The following OR4E2 variants were observed in gnomAD, a reference collection of about 807,000 sequenced individuals.
OR4E2 encodes the protein olfactory receptor 4E2.
OR4E2 carries 9 observed loss-of-function variants against 11.0 expected under a neutral mutation model. The ratio of observed to expected loss-of-function variants is 0.82; its 90% confidence interval spans 0.49 to 1.43. OR4E2 has a LOEUF of 1.43. OR4E2 is among the 40% of genes most tolerant of loss of function. The probability of loss-of-function intolerance (pLI) is 0.00; values close to 1 mark genes in which losing one functional copy is unlikely to be tolerated. For synonymous variants in OR4E2, 159 were observed against 147.3 expected (o/e 1.08, Z -0.57); for missense variants, 441 against 382.0 (o/e 1.15, Z -1.29).
intron 1 of OR4E2, among the ~76,000 whole-genome samples, 165 bp downstream of exon 1, chr14:21,654,104 G>A (rs917216459): frequency 6.6e-6 from 1 of 152,134 alleles, no homozygotes. Context: ...TTGATTTTAT[G>A]ATGCTGAGTT....
rs183420614 is a variant in OR4E2, at chr14:21,659,682, C to T, written c.-102-971C>T. 1.8e-4 allele frequency among the ~76,000 whole-genome samples: 28 copies of T among 152,132 alleles called. No homozygotes were observed. In the East Asian group the frequency reaches 2.3e-3, roughly 13 times the overall value. ...CTCATTTCTAGTAATCTATTCCTAA[C>T]GGAATAATATATTAGAGAAGTTATA... On this transcript the variant is annotated intron_variant, in intron 2 of 3. Transcript: ENST00000641524.
At chr14:21,654,003 A>G (rs1879790192) in intron 1 of OR4E2, 64 bp downstream of exon 1, 1 of 152,228 alleles carries the variant, frequency 6.6e-6, no homozygotes, top group African/African-American at 2.4e-5. Context: ...GTTTTTATGT[A>G]TAAACAAATG....
rs756065622 is a variant in OR4E2, at chr14:21,665,182, A to T, written c.100A>T (p.Ile34Phe). Residue 34 changes from isoleucine (I) to phenylalanine (F), a missense_variant, in exon 4 of 4, where the codon ATT becomes TTT. Transcript: ENST00000641524. The stretch of plus-strand genomic sequence containing the variant: ...GCTGTTTTTCATGGCATTCTCAGCC[A>T]TTTATATGCTAACGCTTTCGGGGAA... ...EMLFFMAFSA[I>F]YMLTLSGNIL... is the part of the protein sequence containing the mutation. 1 of 1,613,906 alleles carries T rather than the reference A, an allele frequency of 6.2e-7. No individual in the cohort carries two copies. The highest frequency in any genetic ancestry group is 8.5e-7 in the Non-Finnish European group (1 of 1,179,862).
intron 2 of OR4E2, 28 bp downstream of exon 2, chr14:21,656,617 T>C (rs937588699): frequency 2.0e-5 from 3 of 152,206 alleles, no homozygotes; most frequent in African/African-American, 7.2e-5. Context: ...CTGCGCTGCT[T>C]GTCATGCTTT....
intron 2 of OR4E2, among the ~76,000 whole-genome samples, chr14:21,660,242 G>A (rs1230537524): frequency 6.6e-6 from 1 of 152,210 alleles, no homozygotes; most frequent in African/African-American, 2.4e-5. Flanking sequence ...TTGCGATTGA[G>A]GATTTAATGC....
At chr14:21,658,563 G>A (rs61974111) in intron 2 of OR4E2, among the ~76,000 whole-genome samples, 1 of 151,972 alleles carries the variant, frequency 6.6e-6, no homozygotes, top group Admixed American at 6.5e-5. Context: ...GAGACAAGAG[G>A]CAGAGAAAGA....
intron 1 of OR4E2, among the ~76,000 whole-genome samples, chr14:21,654,316 TAGTC>T (rs1225240547): frequency 5.9e-5 from 9 of 151,876 alleles, no homozygotes; most frequent in African/African-American, 9.7e-5. Context: ...GTAATTATAT[TAGTC>T]AGAGTTCTCC....
At chr14:21,662,171 G>A (rs963410398) in intron 3 of OR4E2, among the ~76,000 whole-genome samples, 1 of 151,764 alleles carries the variant, frequency 6.6e-6, no homozygotes, top group Admixed American at 6.6e-5. Flanking sequence ...TGAGTCGTTT[G>A]TCTTTTCTTA....
intron 1 of OR4E2, 143 bp from the exon 2 acceptor site, chr14:21,656,359 C>G (rs1879952623): frequency 6.6e-6 from 1 of 150,846 alleles, no homozygotes; most frequent in Non-Finnish European, 1.5e-5. Flanking sequence ...GACTCTCTCT[C>G]TCTCTCACTC....
At chr14:21,655,916 A>G (rs1478470092) in intron 1 of OR4E2, among the ~76,000 whole-genome samples, 1 of 152,118 alleles carries the variant, frequency 6.6e-6, no homozygotes, top group Admixed American at 6.5e-5. Context: ...AAGTCAAAGT[A>G]TTGTAAAGGA....
intron 3 of OR4E2, among the ~76,000 whole-genome samples, chr14:21,662,852 G>A (rs116279785): frequency 0.016 from 2,405 of 152,108 alleles, 22 homozygotes; most frequent in Middle Eastern, 0.041. Context: ...TAGTTTGAAT[G>A]CTTACAAGTG....
chr14:21,665,240 C>T lies in OR4E2; in HGVS notation c.158C>T (p.Pro53Leu). The T allele has an allele frequency of 1.9e-6, 3 of 1,614,026 alleles. No individual in the cohort carries two copies. The highest frequency in any genetic ancestry group is 3.3e-5 in the Admixed American group (2 of 60,010). ...ATCATCATTGCCACAGTCTTTACTC[C>T]AAGTCTCCATACCCCCATGTATTTC... ...ILIIIATVFTPSLHTPMYFFL... is the reference protein window; with the variant it reads ...ILIIIATVFTLSLHTPMYFFL... The change falls in exon 4 of 4, where the codon CCA becomes CTA. Residue 53 changes from proline to leucine, a missense_variant. Physicochemically the swap from Pro to Leu is moderately conservative, Grantham distance 98. Transcript: ENST00000641524.
chr14:21,660,030 G>C (rs144796197), intron 2 of OR4E2, among the ~76,000 whole-genome samples: 231 of 152,132 alleles, frequency 1.5e-3, no homozygotes, highest in African/African-American at 5.3e-3. Context: ...AGACATCAAG[G>C]GGGTGAGGGA....
In OR4E2 at chr14:21,665,260, T is replaced by A; in HGVS notation, c.178T>A (p.Tyr60Asn). Residue 60 changes from tyrosine (Y) to asparagine (N), a missense_variant, in exon 4 of 4, where the codon TAT (tyrosine) becomes AAT (asparagine). By Grantham distance (143) the Tyr-to-Asn change is moderately radical. Transcript: ENST00000641524. ...TACTCCAAGTCTCCATACCCCCATG[T>A]ATTTCTTCCTGAGCAATCTGTCCTT... ...VFTPSLHTPM[Y>N]FFLSNLSFID... 6.2e-7 allele frequency: 1 copy of A among 1,614,134 alleles called. No homozygotes were observed. Among genetic ancestry groups the A allele is most frequent in the Non-Finnish European group, 8.5e-7 (1 of 1,180,000 alleles).
chr14:21,657,553 GTCTC>G (rs1234140909), intron 2 of OR4E2, among the ~76,000 whole-genome samples: 11 of 111,906 alleles, frequency 9.8e-5, no homozygotes, highest in African/African-American at 2.4e-4. Flanking sequence ...TTTTCTGTCT[GTCTC>G]TCTCTCTCTC....
At position 21,665,439 on chromosome 14, in the gene OR4E2, G is replaced by T. The variant is rs200065979; in HGVS notation, c.357G>T (p.Ala119=). The change falls in exon 4 of 4, where the codon GCG becomes GCT. Residue 119 remains alanine (A), a synonymous_variant. Transcript: ENST00000641524. ...AGATCTTTCTGCTGATCATTATGGCGTATGATCGTTACGTGGCTATCTGCA... is the reference window on the plus strand; with the variant it reads ...AGATCTTTCTGCTGATCATTATGGCTTATGATCGTTACGTGGCTATCTGCA... The part of the protein sequence containing the change: ...CAEIFLLIIM[A]YDRYVAICTP... 2.0e-5 allele frequency: 32 copies of T among 1,613,798 alleles called. 1 individual carries two copies. The East Asian group carries it at 6.2e-4, about 31-fold the overall frequency.
chr14:21,658,550 A>T (rs1880140703), intron 2 of OR4E2, among the ~76,000 whole-genome samples: 1 of 152,202 alleles, frequency 6.6e-6, no homozygotes, highest in Non-Finnish European at 1.5e-5. Flanking sequence ...TCAGGTAGAA[A>T]CAGAGACAAG....
chr14:21,663,668 T>A (rs1402206405), intron 3 of OR4E2, among the ~76,000 whole-genome samples: 1 of 152,138 alleles, frequency 6.6e-6, no homozygotes, highest in Non-Finnish European at 1.5e-5. Flanking sequence ...TGAATAGTAT[T>A]TTTTTCTTCA....
At position 21,665,146 on chromosome 14, in the gene OR4E2, G is replaced by A. The variant is rs183542031; in HGVS notation, c.64G>A (p.Val22Met). Residue 22 changes from valine (V) to methionine (M), a missense_variant, in exon 4 of 4, where the codon GTG (valine) becomes ATG (methionine). Transcript: ENST00000641524. ...CTTCTTGGGACTCACTGATAACCGG[G>A]TGCTGGAAATGCTGTTTTTCATGGC... The part of the protein sequence containing the change: ...FVFLGLTDNR[V>M]LEMLFFMAFS... The A allele has an allele frequency of 2.1e-5, 34 of 1,613,896 alleles. No homozygotes were observed. The East Asian group carries it at 2.7e-4, about 13-fold the overall frequency.
Sources: gnomAD v4.1 joint callset for allele counts (sites outside exome capture counted in the v4.1 genomes callset) on GRCh38, gnomAD v4.1.1 for gene constraint, MANE v1.5 for transcripts, NCBI Gene and HGNC (gene_info 2026-07-23, HGNC 2026-07-21) for gene names.